The following ITGB8 variants were observed in gnomAD, a reference collection of about 807,000 sequenced individuals.
ITGB8 encodes the protein integrin beta-8.
ITGB8 carries 30 observed loss-of-function variants against 89.5 expected under a neutral mutation model. The observed-to-expected ratio is 0.34, with a 90% CI of 0.25 to 0.45. The LOEUF (loss-of-function observed/expected upper bound fraction) is 0.45. ITGB8 is among the 20% of genes least tolerant of loss of function. ITGB8 has a pLI of 1.00. For synonymous variants in ITGB8, 335 were observed against 320.4 expected, an observed-to-expected ratio of 1.05 and a Z score of -0.49; for missense variants, 836 against 933.3, an observed-to-expected ratio of 0.90 and a Z score of 1.36.
At chr7:20,389,001 G>A (rs958951599) in intron 6 of ITGB8, among the ~76,000 whole-genome samples, 2 of 152,138 alleles carry the variant, frequency 1.3e-5, no homozygotes, top group Non-Finnish European at 2.9e-5. Context: ...GTATTCCGTG[G>A]TGTATATGTG....
At chr7:20,376,603 A>G (rs954529093) in intron 3 of ITGB8, among the ~76,000 whole-genome samples, 19 of 152,128 alleles carry the variant, frequency 1.2e-4, no homozygotes, top group African/African-American at 4.6e-4. Context: ...AGAGCATATT[A>G]TGAGGACTAT....
chr7:20,336,254 C>T (rs1297351493), intron 1 of ITGB8, among the ~76,000 whole-genome samples: 1 of 152,158 alleles, frequency 6.6e-6, no homozygotes, highest in Non-Finnish European at 1.5e-5. Context: ...ATCTGCTCGC[C>T]TCGGCCTCCC....
chr7:20,408,486 G>C (rs1787636441), intron 12 of ITGB8, among the ~76,000 whole-genome samples: 1 of 152,016 alleles, frequency 6.6e-6, no homozygotes, highest in South Asian at 2.1e-4. Flanking sequence ...GTCCTCACTG[G>C]AAATTCTGAC....
intron 1 of ITGB8, among the ~76,000 whole-genome samples, chr7:20,343,566 A>G (rs780768043): frequency 6.6e-6 from 1 of 152,212 alleles, no homozygotes; most frequent in Non-Finnish European, 1.5e-5. Flanking sequence ...AATTGCAAGT[A>G]TTAAGTAATT....
At chr7:20,379,401 T>C (rs1488856889) in intron 4 of ITGB8, 104 bp downstream of exon 4, 3 of 693,356 alleles carry the variant, frequency 4.3e-6, no homozygotes, top group Non-Finnish European at 6.2e-6. Context: ...TTTTATCTTA[T>C]AAAATAAGAA....
intron 1 of ITGB8, among the ~76,000 whole-genome samples, chr7:20,334,524 C>G (rs1484259449): frequency 1.3e-5 from 2 of 152,184 alleles, no homozygotes; most frequent in East Asian, 1.9e-4. Flanking sequence ...ATTCAAGTAT[C>G]AATTATTTAT....
At chr7:20,330,205 A>G (rs948767404), upstream of ITGB8, among the ~76,000 whole-genome samples, 1 of 152,184 alleles carries the variant, frequency 6.6e-6, no homozygotes, top group Non-Finnish European at 1.5e-5. Context: ...CGCTCCGGGA[A>G]CAGCCCCTGC....
chr7:20,361,751 T>A (rs1281678623), intron 1 of ITGB8, among the ~76,000 whole-genome samples: 3 of 152,190 alleles, frequency 2.0e-5, no homozygotes, highest in African/African-American at 7.2e-5. Context: ...AACATTTTAG[T>A]AGTAAGCAGA....
At chr7:20,392,951 C>T (rs7811612) in intron 7 of ITGB8, among the ~76,000 whole-genome samples, 43,434 of 152,060 alleles carry the variant, frequency 0.29, 6,753 homozygotes, top group Non-Finnish European at 0.32. Context: ...ACTTATTGTA[C>T]ACTTAACTAT....
chr7:20,336,824 G>T (rs1207072342), intron 1 of ITGB8, among the ~76,000 whole-genome samples: 2 of 152,160 alleles, frequency 1.3e-5, no homozygotes, highest in African/African-American at 2.4e-5. Context: ...TACACAGTAG[G>T]TCTTCACAAA....
chr7:20,399,069 C>A (rs778964980), intron 9 of ITGB8, 75 bp downstream of exon 9: 13 of 1,484,940 alleles, frequency 8.8e-6, no homozygotes, highest in African/African-American at 1.4e-5. Flanking sequence ...AAAAGCAAAC[C>A]ATTCTGAAAA....
chr7:20,379,229 C>T lies in ITGB8; in HGVS notation c.567C>T (p.Gly189=). Residue 189 remains glycine (G), a synonymous_variant, in exon 4 of 14, where the codon GGC becomes GGT. Transcript: ENST00000222573. Reference sequence around the variant, plus strand: ...CCCGTGACTTTCGTCTTGGATTTGGCTCATACGTTGATAAAACAGTTTCAC... The same window carrying T: ...CCCGTGACTTTCGTCTTGGATTTGGTTCATACGTTGATAAAACAGTTTCAC... ...FFSRDFRLGF[G]SYVDKTVSPY... 1 of 1,611,154 alleles carries T rather than the reference C, an allele frequency of 6.2e-7. No individual in the cohort carries two copies. The highest frequency in any genetic ancestry group is 1.1e-5 in the South Asian group (1 of 90,800).
At chr7:20,405,079 T>C (rs1787479940) in intron 11 of ITGB8, among the ~76,000 whole-genome samples, 1 of 152,124 alleles carries the variant, frequency 6.6e-6, no homozygotes, top group Non-Finnish European at 1.5e-5. Context: ...TTAGCTTTTT[T>C]TGAAATTAGA....
At chr7:20,370,598 T>TTTTA (rs1785891196) in intron 3 of ITGB8, among the ~76,000 whole-genome samples, 1 of 85,822 alleles carries the variant, frequency 1.2e-5, no homozygotes, top group African/African-American at 5.2e-5. Context: ...TTTATTTACT[T>TTTTA]ATTTATTATT....
chr7:20,331,596 G>T lies in ITGB8; in HGVS notation c.-211G>T, dbSNP rs1454394985. 2 of 494,174 alleles carry T rather than the reference G, an allele frequency of 4.0e-6. No homozygotes were observed. Among genetic ancestry groups the T allele is most frequent in the South Asian group, 5.4e-5 (1 of 18,384 alleles). 30.6% of individuals were successfully genotyped at this position (494,174 alleles called of 1,614,324 possible). ...GAGACCGCGGGACCCGCCGTGCCGA[G>T]CCGGGAGGGCCGCAGGGGCCCTGAG... On this transcript the variant is annotated 5_prime_UTR_variant, in exon 1 of 14. Coordinates refer to ENST00000222573, the MANE Select transcript of ITGB8 (RefSeq NM_002214.3).
intron 3 of ITGB8, among the ~76,000 whole-genome samples, chr7:20,368,091 T>C (rs1030883034): frequency 6.6e-6 from 1 of 152,162 alleles, no homozygotes; most frequent in African/African-American, 2.4e-5. Context: ...TGCTATTTCT[T>C]CCAGACTCTG....
Position 20,331,178 on chromosome 7 carries a change from G to C in ITGB8, c.-629G>C, listed in dbSNP as rs1312756384. The C allele has an allele frequency of 2.3e-5, 4 of 172,492 alleles. No individual in the cohort carries two copies. In the East Asian group the frequency reaches 4.7e-4, roughly 20 times the overall value. 10.7% of individuals were successfully genotyped at this position (172,492 alleles called of 1,614,324 possible). A position where few individuals can be genotyped will look rare whatever the true frequency, so the allele number is the denominator to read the frequency against. On this transcript the variant is annotated 5_prime_UTR_variant, in exon 1 of 14. Coordinates refer to ENST00000222573, the MANE Select transcript of ITGB8 (RefSeq NM_002214.3). ...CCCGAGCTTCCTCCCTTGCCAGCCA[G>C]GACGCTGCCGACTTGTCTTTGCCCG...
intron 1 of ITGB8, among the ~76,000 whole-genome samples, chr7:20,339,953 G>A (rs113745861): frequency 0.089 from 13,524 of 152,166 alleles, 791 homozygotes; most frequent in Admixed American, 0.16. Flanking sequence ...GCCTGAACCC[G>A]GGAGGCGGAG....
chr7:20,361,875 G>T (rs986200956), intron 1 of ITGB8, among the ~76,000 whole-genome samples: 3 of 152,192 alleles, frequency 2.0e-5, no homozygotes, highest in Non-Finnish European at 2.9e-5. Flanking sequence ...GTTCACTTTA[G>T]TTCTTTGAGT....
Sources: allele counts gnomAD v4.1 joint callset (sites outside exome capture counted in the v4.1 genomes callset), GRCh38; gene constraint gnomAD v4.1.1; transcripts MANE v1.5; gene names NCBI Gene and HGNC (gene_info 2026-07-23, HGNC 2026-07-21).